Variants in DNAAF9 observed in about 807,000 individuals in gnomAD.
DNAAF9 encodes dynein axonemal assembly factor 9, also known as shulin.
In DNAAF9, 90 loss-of-function variants were observed where a neutral mutation model predicts 167.0. The ratio of observed to expected loss-of-function variants is 0.54; its 90% CI spans 0.45 to 0.64. The LOEUF (loss-of-function observed/expected upper bound fraction) is 0.64, where lower values mean the gene tolerates loss of function less well. DNAAF9 is among the 30% of genes least tolerant of loss of function. DNAAF9 has a pLI of 0.00. For synonymous variants in DNAAF9, 491 were observed against 508.8 expected (o/e 0.96, Z 0.47); for missense variants, 1,315 against 1,442.2 (o/e 0.91, Z 1.43).
intron 10 of DNAAF9, among the ~76,000 whole-genome samples, chr20:3,336,702 C>T (rs772208050): frequency 5.9e-5 from 9 of 151,660 alleles, no homozygotes; most frequent in Non-Finnish European, 1.0e-4. Flanking sequence ...CAAGCGCCTG[C>T]CACCACGCCT....
At chr20:3,274,199 G>A (rs1276149198) in intron 29 of DNAAF9, among the ~76,000 whole-genome samples, 1 of 152,108 alleles carries the variant, frequency 6.6e-6, no homozygotes, top group Non-Finnish European at 1.5e-5. Context: ...CTGCAGTGTA[G>A]TGGTGTGATC....
chr20:3,324,337 T>C (rs969500151), intron 14 of DNAAF9, among the ~76,000 whole-genome samples: 67 of 152,292 alleles, frequency 4.4e-4, no homozygotes, highest in African/African-American at 1.6e-3. Flanking sequence ...GTGCACATAA[T>C]GGTCCTCACG....
In DNAAF9 at chr20:3,380,239, AT is replaced by A. The variant is rs2083630139; in HGVS notation, c.283+1139del. On this transcript the variant is annotated intron_variant, in intron 3 of 36. Coordinates refer to ENST00000252032, the MANE Select transcript of DNAAF9 (RefSeq NM_001009984.3). ...GATGTTGTATAGCGTAAGGAAAAAA[AT>A]ATTTTGTAATCAAAATCTGAAACCA... Among the ~76,000 whole-genome samples the A allele has an allele frequency of 2.6e-5, 4 of 152,370 alleles. No individual in the cohort carries two copies. In the South Asian group the frequency reaches 8.3e-4, roughly 32 times the overall value.
chr20:3,348,606 T>C lies in DNAAF9; in HGVS notation c.708A>G (p.Glu236=). ...TAGCGAAGAAGCTAGTCCACTGATG[T>C]TCAAAAGCCACCAAATCCTGGGAAA... is the stretch of plus-strand genomic sequence containing the variant. ...SLLSDDLVAF[E]HQWTSFFANF... Residue 236 remains glutamate, a synonymous_variant, in exon 8 of 37, where the codon GAA becomes GAG. Transcript: ENST00000252032. 6.3e-7 allele frequency: 1 copy of C among 1,599,308 alleles called. No individual in the cohort carries two copies. Among genetic ancestry groups the C allele is most frequent in the Non-Finnish European group, 8.5e-7 (1 of 1,171,950 alleles).
intron 25 of DNAAF9, among the ~76,000 whole-genome samples, chr20:3,293,069 G>C (rs1006839058): frequency 2.7e-5 from 4 of 150,038 alleles, no homozygotes; most frequent in Admixed American, 1.3e-4. Flanking sequence ...CTAGGCGACA[G>C]AGCAAGACTC....
intron 27 of DNAAF9, among the ~76,000 whole-genome samples, chr20:3,286,486 C>T (rs2068855066): frequency 6.6e-6 from 1 of 152,138 alleles, no homozygotes; most frequent in African/African-American, 2.4e-5. Flanking sequence ...TGGGGGCAGG[C>T]AGTAAAGGAG....
At chr20:3,365,525 G>C (rs2083422037) in intron 6 of DNAAF9, among the ~76,000 whole-genome samples, 2 of 152,074 alleles carry the variant, frequency 1.3e-5, no homozygotes. Context: ...CTGAGTAGCT[G>C]GGATTACAGG....
chr20:3,398,500 GA>G (rs11330540), intron 1 of DNAAF9, among the ~76,000 whole-genome samples: 29,369 of 151,662 alleles, frequency 0.19, 3,023 homozygotes, highest in African/African-American at 0.23. Context: ...AAGTTATTTT[GA>G]AAAGCATTAA....
chr20:3,402,290 T>C (rs2083998422), intron 1 of DNAAF9, among the ~76,000 whole-genome samples: 1 of 152,180 alleles, frequency 6.6e-6, no homozygotes, highest in South Asian at 2.1e-4. Context: ...TATATATGTA[T>C]TTGTGTACCT....
rs1386940578 is a variant in DNAAF9 at position 3,336,254 on chromosome 20, TTTTG to T, written c.982-3897_982-3894del. ...ATTTTGCAGATTCACAGTTTTGCGT[TTTTG>T]TTTTTTTTTTTTTTTTTGCCAAATT... On this transcript the variant is annotated intron_variant, in intron 10 of 36. Coordinates refer to ENST00000252032, the MANE Select transcript of DNAAF9 (RefSeq NM_001009984.3). Among the ~76,000 whole-genome samples the T allele has an allele frequency of 5.7e-3, 692 of 121,220 alleles. 37 individuals carry two copies. The highest frequency in any genetic ancestry group is 0.023 in the African/African-American group (657 of 28,136). The allele number at this position is 121,220 out of a possible 152,430, so 79.5% of individuals were successfully genotyped here.
chr20:3,367,272 A>G (rs1473203578), intron 6 of DNAAF9, among the ~76,000 whole-genome samples: 1 of 152,214 alleles, frequency 6.6e-6, no homozygotes, highest in Non-Finnish European at 1.5e-5. Flanking sequence ...GGTTTAACGG[A>G]ATGTTTTGGT....
At chr20:3,281,590 G>A in intron 28 of DNAAF9, 51 bp downstream of exon 28, 2 of 1,523,056 alleles carry the variant, frequency 1.3e-6, no homozygotes, top group Non-Finnish European at 8.8e-7. Context: ...TCTTCTGGTG[G>A]GTGGAAACAA....
chr20:3,306,313 A>G (rs2069291973), intron 20 of DNAAF9, among the ~76,000 whole-genome samples: 1 of 151,880 alleles, frequency 6.6e-6, no homozygotes, highest in Non-Finnish European at 1.5e-5. Context: ...TGGTATTCGC[A>G]TTTTCCCCTA....
intron 8 of DNAAF9, among the ~76,000 whole-genome samples, chr20:3,347,873 G>A (rs2070227536): frequency 6.6e-6 from 1 of 152,124 alleles, no homozygotes; most frequent in Admixed American, 6.5e-5. Context: ...AGTGCACCGA[G>A]ATCATGCCAC....
chr20:3,259,396 G>C, intron 33 of DNAAF9, 84 bp downstream of exon 33: 1 of 914,190 alleles, frequency 1.1e-6, no homozygotes, highest in Non-Finnish European at 1.8e-6. Flanking sequence ...GTGGTCTGCA[G>C]AGCACCAGCA....
intron 6 of DNAAF9, chr20:3,361,734 G>A (rs1052738317): frequency 5.4e-6 from 4 of 747,230 alleles, no homozygotes; most frequent in Admixed American, 3.0e-5. Context: ...ATCATTTACA[G>A]TATCTTAACT....
intron 23 of DNAAF9, chr20:3,296,252 G>A (rs763938099): frequency 2.2e-5 from 10 of 456,172 alleles, no homozygotes; most frequent in Non-Finnish European, 4.3e-5. Flanking sequence ...CGGGGTGACA[G>A]AGTAAGACAC....
intron 21 of DNAAF9, among the ~76,000 whole-genome samples, chr20:3,300,831 A>G (rs2122968779): frequency 6.6e-6 from 1 of 151,714 alleles, no homozygotes; most frequent in East Asian, 1.9e-4. Flanking sequence ...GGCTTGAGCC[A>G]CTGCATCCAG....
intron 22 of DNAAF9, 56 bp from the exon 23 acceptor site, chr20:3,297,005 A>G (rs896219253): frequency 1.1e-5 from 10 of 948,810 alleles, no homozygotes; most frequent in Non-Finnish European, 1.7e-5. Context: ...CAGGATATGG[A>G]AGCCACATGG....
Sources: gnomAD v4.1 joint callset for allele counts (sites outside exome capture counted in the v4.1 genomes callset) on GRCh38, gnomAD v4.1.1 for gene constraint, MANE v1.5 for transcripts, NCBI Gene and HGNC (gene_info 2026-07-23, HGNC 2026-07-21) for gene names.